USP37: variants seen among roughly 807,000 people sequenced by gnomAD.
The protein encoded by USP37 is ubiquitin carboxyl-terminal hydrolase 37.
USP37 carries 27 observed loss-of-function variants against 124.0 expected under a neutral mutation model. The observed-to-expected ratio is 0.22, with a 90% confidence interval of 0.16 to 0.30. The LOEUF (loss-of-function observed/expected upper bound fraction) is 0.30, where lower values mean the gene tolerates loss of function less well. USP37 is among the 10% of genes least tolerant of loss of function. USP37 has a pLI of 1.00. For synonymous variants in USP37, 365 were observed against 388.0 expected, an observed-to-expected ratio of 0.94 and a Z score of 0.70; for missense variants, 889 against 1,140.4, an observed-to-expected ratio of 0.78 and a Z score of 3.17.
chr2:218,526,237 T>C (rs1690954296), intron 10 of USP37, among the ~76,000 whole-genome samples: 1 of 152,030 alleles, frequency 6.6e-6, no homozygotes, highest in Non-Finnish European at 1.5e-5. Flanking sequence ...TGGTTATTTA[T>C]TTATTTTTTT....
At chr2:218,472,532 C>T (rs781578006) in intron 20 of USP37, among the ~76,000 whole-genome samples, 25 of 151,578 alleles carry the variant, frequency 1.6e-4, no homozygotes, top group Non-Finnish European at 3.1e-4. Flanking sequence ...GGTGCAATAT[C>T]GGCTCACTGC....
At chr2:218,472,408 A>G (rs1559168661) in intron 20 of USP37, among the ~76,000 whole-genome samples, 1 of 151,604 alleles carries the variant, frequency 6.6e-6, no homozygotes, top group Admixed American at 6.6e-5. Flanking sequence ...ATGTGAATAC[A>G]CTGTAATTGC....
intron 13 of USP37, among the ~76,000 whole-genome samples, chr2:218,497,116 G>C (rs1045928325): frequency 7.9e-5 from 12 of 151,964 alleles, no homozygotes; most frequent in African/African-American, 2.9e-4. Flanking sequence ...TGTAGCCCAG[G>C]TTGGAGTGCA....
chr2:218,530,092 A>C, intron 9 of USP37, 52 bp from the exon 10 acceptor site: 2 of 1,392,942 alleles, frequency 1.4e-6, no homozygotes, highest in Non-Finnish European at 2.0e-6. Context: ...CAACCATTCA[A>C]GTTCATTTAA....
chr2:218,461,025 G>C (rs575215120), intron 22 of USP37, among the ~76,000 whole-genome samples: 3 of 152,036 alleles, frequency 2.0e-5, no homozygotes, highest in African/African-American at 4.8e-5. Flanking sequence ...TAAATTTCAC[G>C]TAAGATATAC....
At chr2:218,559,964 T>G (rs1464869787) in intron 3 of USP37, among the ~76,000 whole-genome samples, 2 of 151,420 alleles carry the variant, frequency 1.3e-5, no homozygotes, top group African/African-American at 4.9e-5. Flanking sequence ...TAGGTGACAC[T>G]CTGAGTGAGA....
chr2:218,560,718 G>C (rs1377591415), intron 3 of USP37, 102 bp downstream of exon 3: 1 of 152,102 alleles, frequency 6.6e-6, no homozygotes, highest in African/African-American at 2.4e-5. Context: ...AACTTTTCAA[G>C]AAAATAAAGA....
intron 20 of USP37, among the ~76,000 whole-genome samples, chr2:218,469,057 T>G (rs534153993): frequency 6.6e-6 from 1 of 152,330 alleles, no homozygotes; most frequent in Admixed American, 6.5e-5. Context: ...TGGCTTTAGA[T>G]TCTAAGTCAG....
intron 22 of USP37, 50 bp from the exon 23 acceptor site, chr2:218,459,955 A>G: frequency 6.9e-7 from 1 of 1,443,898 alleles, no homozygotes; most frequent in Non-Finnish European, 9.6e-7. Flanking sequence ...AATAGAATGG[A>G]CGTGGTGGCT....
intron 22 of USP37, 71 bp downstream of exon 22, chr2:218,463,235 C>T: frequency 9.4e-7 from 1 of 1,065,068 alleles, no homozygotes; most frequent in East Asian, 2.7e-5. Context: ...CACACACTTT[C>T]TTTATATGTT....
chr2:218,505,094 G>C (rs144456868), intron 11 of USP37, among the ~76,000 whole-genome samples: 1 of 151,824 alleles, frequency 6.6e-6, no homozygotes, highest in Non-Finnish European at 1.5e-5. Context: ...GGTTCACCGT[G>C]GCCTCGACCT....
chr2:218,480,398 CAAAAAAAAAA>C (rs397868988), intron 17 of USP37, among the ~76,000 whole-genome samples: 3 of 48,830 alleles, frequency 6.1e-5, no homozygotes, highest in Non-Finnish European at 9.6e-5. Flanking sequence ...GACTCCGTCT[CAAAAAAAAAA>C]AAAAAAAAAA....
At chr2:218,471,951 A>G (rs1484645572) in intron 20 of USP37, among the ~76,000 whole-genome samples, 1 of 151,732 alleles carries the variant, frequency 6.6e-6, no homozygotes, top group Non-Finnish European at 1.5e-5. Context: ...AATCACTTGA[A>G]CCTGGGAGGC....
At chr2:218,522,914 G>A (rs972834571) in intron 10 of USP37, among the ~76,000 whole-genome samples, 23 of 152,146 alleles carry the variant, frequency 1.5e-4, no homozygotes, top group Admixed American at 5.2e-4. Context: ...CAAGGCGGGT[G>A]GATCACCTGA....
chr2:218,517,715 G>A (rs189861648), intron 10 of USP37, among the ~76,000 whole-genome samples: 48 of 152,158 alleles, frequency 3.2e-4, no homozygotes, highest in Middle Eastern at 3.4e-3. Flanking sequence ...ATCCTACTTG[G>A]TATTCATTAG....
intron 22 of USP37, among the ~76,000 whole-genome samples, chr2:218,462,084 G>T (rs1690040106): frequency 6.6e-6 from 1 of 152,080 alleles, no homozygotes; most frequent in Admixed American, 6.6e-5. Context: ...TTGAACCTGG[G>T]ATGCTGAGTT....
intron 4 of USP37, 45 bp from the exon 5 acceptor site, chr2:218,553,769 C>G: frequency 1.9e-6 from 3 of 1,544,308 alleles, no homozygotes; most frequent in Non-Finnish European, 2.6e-6. Context: ...TGTATGACAA[C>G]TAAGTATAAC....
Position 218,519,377 on chromosome 2 carries a change from C to T in USP37, c.864-9237G>A, listed in dbSNP as rs13015475. Among the ~76,000 whole-genome samples the T allele has an allele frequency of 7.8e-3, 1,182 of 152,310 alleles. 7 individuals carry two copies. Among genetic ancestry groups the T allele is most frequent in the Non-Finnish European group, 0.012 (791 of 68,028 alleles). On this transcript the variant is annotated intron_variant, in intron 10 of 25. Transcript: ENST00000258399. ...CAGATTAATAAAATTCACAGAAAGG[C>T]TGGCTTACTTCTAGCTCATCCTTAT...
chr2:218,528,830 A>ATAGATT, intron 10 of USP37: 1 of 398,988 alleles, frequency 2.5e-6, no homozygotes, highest in Non-Finnish European at 4.3e-6. Context: ...AAAAAAAAAA[A>ATAGATT]AAAAAAAAAA....
Sources: gnomAD v4.1 joint callset for allele counts (sites outside exome capture counted in the v4.1 genomes callset) on GRCh38, gnomAD v4.1.1 for gene constraint, MANE v1.5 for transcripts, NCBI Gene and HGNC (gene_info 2026-07-23, HGNC 2026-07-21) for gene names.